The following ANK3 variants were observed in gnomAD, a reference collection of about 807,000 sequenced individuals.
ANK3 encodes ankyrin 3.
Under a neutral mutation model 370.9 loss-of-function variants are expected in ANK3, and 57 were observed. The observed-to-expected ratio is 0.15, with a 90% CI of 0.12 to 0.19. The LOEUF (loss-of-function observed/expected upper bound fraction) is 0.19. Ranked by LOEUF, ANK3 falls within the 10% of genes least tolerant of loss-of-function variation. ANK3 has a pLI of 1.00. For missense variants in ANK3, 4,439 were observed against 5,302.1 expected (o/e 0.84, Z 5.06); for synonymous variants, 1,929 against 1,946.3 (o/e 0.99, Z 0.23).
At chr10:60,685,361 T>C (rs2079253903) in intron 1 of ANK3, among the ~76,000 whole-genome samples, 1 of 152,084 alleles carries the variant, frequency 6.6e-6, no homozygotes, top group Non-Finnish European at 1.5e-5. Flanking sequence ...TGTAGAAATT[T>C]GACCTGAAGT....
At chr10:60,593,463 A>T (rs1437387405) in intron 2 of ANK3, among the ~76,000 whole-genome samples, 1 of 152,226 alleles carries the variant, frequency 6.6e-6, no homozygotes, top group East Asian at 1.9e-4. Context: ...ATATAGAATA[A>T]TAAAAGGCAG....
At chr10:60,068,075 T>C (rs947071794) in intron 37 of ANK3, 66 bp from the exon 38 acceptor site, 3 of 1,460,384 alleles carry the variant, frequency 2.1e-6, no homozygotes, top group African/African-American at 2.8e-5. Context: ...AAATTGCTTT[T>C]AGCAGTACGC....
At chr10:60,309,574 A>C (rs2045899694) in intron 1 of ANK3, among the ~76,000 whole-genome samples, 1 of 152,098 alleles carries the variant, frequency 6.6e-6, no homozygotes, top group African/African-American at 2.4e-5. Context: ...TTGACACATT[A>C]CTCCAGGGGG....
At chr10:60,217,524 A>T (rs187181535) in intron 8 of ANK3, among the ~76,000 whole-genome samples, 1 of 152,088 alleles carries the variant, frequency 6.6e-6, no homozygotes, top group African/African-American at 2.4e-5. Flanking sequence ...TTTACCCAGG[A>T]GTCATTCAGG....
intron 40 of ANK3, chr10:60,059,907 C>G (rs1210498993): frequency 6.2e-7 from 1 of 1,614,016 alleles, no homozygotes; most frequent in Non-Finnish European, 8.5e-7. Context: ...AGATTCTATG[C>G]TAGAGATATC....
At chr10:60,111,658 C>T (rs993152011) in intron 26 of ANK3, 48 of 437,996 alleles carry the variant, frequency 1.1e-4, no homozygotes, top group Non-Finnish European at 1.6e-4. Flanking sequence ...GACATTGACA[C>T]GATCTAACTA....
At chr10:60,635,448 A>G (rs997332230) in intron 1 of ANK3, among the ~76,000 whole-genome samples, 1 of 152,180 alleles carries the variant, frequency 6.6e-6, no homozygotes, top group Non-Finnish European at 1.5e-5. Context: ...TAGAAGTACA[A>G]CAACCAAGGG....
intron 1 of ANK3, among the ~76,000 whole-genome samples, chr10:60,679,329 A>G (rs1239286686): frequency 6.6e-6 from 1 of 152,154 alleles, no homozygotes; most frequent in African/African-American, 2.4e-5. Flanking sequence ...CCATCAGGTG[A>G]TGGTCAGGCG....
At chr10:60,437,989 A>G (rs937202944) in intron 2 of ANK3, among the ~76,000 whole-genome samples, 1 of 152,212 alleles carries the variant, frequency 6.6e-6, no homozygotes, top group Non-Finnish European at 1.5e-5. Flanking sequence ...ATTATATAAC[A>G]GCAAAGAGTT....
intron 28 of ANK3, among the ~76,000 whole-genome samples, chr10:60,091,951 G>C (rs771352757): frequency 1.4e-4 from 22 of 152,032 alleles, no homozygotes; most frequent in Admixed American, 1.3e-3. Context: ...GGATGGTCTC[G>C]ATCTCTTGAC....
At chr10:60,505,288 G>A (rs1419204635) in intron 2 of ANK3, among the ~76,000 whole-genome samples, 8 of 151,752 alleles carry the variant, frequency 5.3e-5, no homozygotes, top group Non-Finnish European at 1.0e-4. Flanking sequence ...TAAAATGCAT[G>A]ACCTTTAAAA....
At chr10:60,099,674 A>C (rs1003500248) in intron 28 of ANK3, among the ~76,000 whole-genome samples, 1 of 152,228 alleles carries the variant, frequency 6.6e-6, no homozygotes, top group African/African-American at 2.4e-5. Flanking sequence ...CCATTGTTTA[A>C]GCCATTACTG....
rs147219129 is a variant in ANK3 at position 60,073,899 on chromosome 10, G to A, written c.6982C>T (p.Arg2328Cys). ...KDNQMKPKLE[R>C]IIEVHIEKGN... The stretch of plus-strand genomic sequence containing the variant: ...TTTTCGATGTGGACTTCTATTATAC[G>A]CTCCAGTTTGGGTTTCATTTGGTTG... Residue 2328 changes from arginine to cysteine, a missense_variant, in exon 37 of 44, where the codon CGT (arginine) becomes TGT (cysteine). Physicochemically the swap from Arg to Cys is radical, Grantham distance 180. Transcript: ENST00000280772. 82 of 1,613,616 alleles carry A rather than the reference G, an allele frequency of 5.1e-5. No homozygotes were observed. Among genetic ancestry groups the A allele is most frequent in the African/African-American group, 2.3e-4 (17 of 74,872 alleles).
At chr10:60,175,636 T>C (rs907810996) in intron 18 of ANK3, among the ~76,000 whole-genome samples, 1 of 151,332 alleles carries the variant, frequency 6.6e-6, no homozygotes, top group Admixed American at 6.5e-5. Flanking sequence ...ACAGCATTCC[T>C]TCCTTTTTTC....
intron 2 of ANK3, among the ~76,000 whole-genome samples, chr10:60,463,543 T>TAAGAATATC (rs2064940439): frequency 6.6e-6 from 1 of 152,148 alleles, no homozygotes; most frequent in Non-Finnish European, 1.5e-5. Flanking sequence ...ATCTTTTCCA[T>TAAGAATATC]AAGAATATCA....
chr10:60,308,399 C>T (rs1428283252), intron 1 of ANK3, among the ~76,000 whole-genome samples: 1 of 151,064 alleles, frequency 6.6e-6, no homozygotes, highest in Non-Finnish European at 1.5e-5. Flanking sequence ...TTTCAGCCTC[C>T]CGAGTAGCTG....
intron 1 of ANK3, among the ~76,000 whole-genome samples, chr10:60,689,217 T>C (rs940299551): frequency 6.6e-6 from 1 of 152,006 alleles, no homozygotes; most frequent in Non-Finnish European, 1.5e-5. Flanking sequence ...CCTGGAAACA[T>C]AGTGAGACTG....
In ANK3 at chr10:60,069,933, C is replaced by A. The variant is rs776305737; in HGVS notation, c.10948G>T (p.Asp3650Tyr). The change falls in exon 37 of 44, where the codon GAT (aspartate) becomes TAT (tyrosine). Residue 3650 changes from aspartate (D) to tyrosine (Y), a missense_variant. By Grantham distance (160) the Asp-to-Tyr change is radical. Coordinates refer to ENST00000280772, the MANE Select transcript of ANK3 (RefSeq NM_020987.5). Reference sequence around the variant, plus strand: ...GGTGTGGCAGTGACCATACTTTTATCCCCTTCCCCCTGGTCCCCTGACTTC... The same window carrying A: ...GGTGTGGCAGTGACCATACTTTTATACCCTTCCCCCTGGTCCCCTGACTTC... ...EGKSGDQGEGDKSMVTATPQP... is the reference protein window; with the variant it reads ...EGKSGDQGEGYKSMVTATPQP... The A allele has an allele frequency of 8.7e-6, 14 of 1,614,006 alleles. No homozygotes were observed. The highest frequency in any genetic ancestry group is 7.7e-5 in the South Asian group (7 of 91,056).
intron 17 of ANK3, among the ~76,000 whole-genome samples, chr10:60,186,349 T>TCTCTC (rs532488784): frequency 2.1e-4 from 5 of 24,266 alleles, no homozygotes; most frequent in African/African-American, 6.9e-4. Context: ...CTTTCTGTCT[T>TCTCTC]TTTTTTTTTT....
Sources: gnomAD v4.1 joint callset for allele counts (sites outside exome capture counted in the v4.1 genomes callset) on GRCh38, gnomAD v4.1.1 for gene constraint, MANE v1.5 for transcripts, NCBI Gene and HGNC (gene_info 2026-07-23, HGNC 2026-07-21) for gene names.